The following POP4 variants were observed in gnomAD, a reference collection of about 807,000 sequenced individuals.
POP4 encodes the protein POP4 ribonuclease P/MRP subunit.
Under a neutral mutation model 29.9 loss-of-function variants are expected in POP4, and 31 were observed. That is an observed-to-expected ratio of 1.04 (90% confidence interval 0.78 to 1.40). The LOEUF (loss-of-function observed/expected upper bound fraction) is 1.40, where lower values mean the gene tolerates loss of function less well. Ranked by LOEUF, POP4 falls within the 40% of genes most tolerant of loss-of-function variation. The pLI is 0.00. For missense variants in POP4, 286 were observed against 282.7 expected, an observed-to-expected ratio of 1.01 and a Z score of -0.08; for synonymous variants, 110 against 108.2, an observed-to-expected ratio of 1.02 and a Z score of -0.10.
At position 29,613,873 on chromosome 19, in the gene POP4, A is replaced by G. The variant is rs1045558399; in HGVS notation, c.427A>G (p.Thr143Ala). 4 of 1,611,772 alleles carry G rather than the reference A, an allele frequency of 2.5e-6. No homozygotes were observed. In the Admixed American group the frequency reaches 5.0e-5, roughly 20 times the overall value. Residue 143 changes from threonine to alanine, a missense_variant and splice_region_variant, in exon 6 of 7, where the codon ACA becomes GCA. By Grantham distance (58) the Thr-to-Ala change is moderately conservative (BLOSUM62 0). Transcript: ENST00000585603. ...ADLHGAIISV[T>A]KSKCPSYVGI... The stretch of plus-strand genomic sequence containing the variant: ...GGAACTGTCCTTTTTCTTTGCAGTG[A>G]CAAAATCCAAATGCCCCTCTTATGT...
chr19:29,610,785 C>A, intron 3 of POP4, 153 bp downstream of exon 3: 1 of 746,376 alleles, frequency 1.3e-6, no homozygotes, highest in Non-Finnish European at 2.2e-6. Flanking sequence ...CTTTACCAAT[C>A]TGGGCTGTGT....
At chr19:29,610,709 G>A in intron 3 of POP4, 77 bp downstream of exon 3, 1 of 1,432,338 alleles carries the variant, frequency 7.0e-7, no homozygotes, top group Non-Finnish European at 9.5e-7. Flanking sequence ...AGTGGCTGGG[G>A]AGGCAGCCTG....
At chr19:29,608,877 C>G (rs1971034636) in intron 2 of POP4, 168 bp downstream of exon 2, 7 of 602,086 alleles carry the variant, frequency 1.2e-5, no homozygotes, top group Non-Finnish European at 2.0e-5. Context: ...ATTACCTGTT[C>G]CCACGTGCCA....
At position 29,615,381 on chromosome 19, in the gene POP4, ATTC is replaced by A. The variant is rs779795933; in HGVS notation, c.*4_*6del. 1 of 1,612,280 alleles carries A rather than the reference ATTC, an allele frequency of 6.2e-7. No homozygotes were observed. Among genetic ancestry groups the A allele is most frequent in the Non-Finnish European group, 8.5e-7 (1 of 1,179,422 alleles). On this transcript the variant is annotated 3_prime_UTR_variant, in exon 7 of 7. Coordinates refer to ENST00000585603, the MANE Select transcript of POP4 (RefSeq NM_006627.3). ...AGCGAAGGGAACGATTGACCTGTGAATTCTTTGCCGTCTAAGGCAGTTGTTTAT... is the reference window on the plus strand; with the variant it reads ...AGCGAAGGGAACGATTGACCTGTGAATTTGCCGTCTAAGGCAGTTGTTTAT...
Position 29,610,637 on chromosome 19 carries a change from C to T in POP4, c.284+5C>T. 1 of 1,612,422 alleles carries T rather than the reference C, an allele frequency of 6.2e-7. No individual in the cohort carries two copies. Among genetic ancestry groups the T allele is most frequent in the Non-Finnish European group, 8.5e-7 (1 of 1,179,482 alleles). ...CATTAAACCAGAGCAGCAGAGGTAACCCGAGCTCCCCACGTCTTTCTGCCC... is the reference window on the plus strand; with the variant it reads ...CATTAAACCAGAGCAGCAGAGGTAATCCGAGCTCCCCACGTCTTTCTGCCC... On this transcript the variant is annotated splice_donor_5th_base_variant and intron_variant, in intron 3 of 6. Coordinates refer to ENST00000585603, the MANE Select transcript of POP4 (RefSeq NM_006627.3).
At chr19:29,608,262 C>CTTTTTTTTTTTTTTTTTTTTTTTT (rs1164860504) in intron 1 of POP4, among the ~76,000 whole-genome samples, 1 of 86,558 alleles carries the variant, frequency 1.2e-5, no homozygotes, top group Non-Finnish European at 2.1e-5. Flanking sequence ...CTTTTCTTTT[C>CTTTTTTTTTTTTTTTTTTTTTTTT]TTTTTTTTTT....
chr19:29,608,262 C>CTTTTCTTTTTTTTTTTTTTTTTT (rs1491529433), intron 1 of POP4, among the ~76,000 whole-genome samples: 1 of 86,578 alleles, frequency 1.2e-5, no homozygotes, highest in Non-Finnish European at 2.1e-5. Flanking sequence ...CTTTTCTTTT[C>CTTTTCTTTTTTTTTTTTTTTTTT]TTTTTTTTTT....
intron 5 of POP4, among the ~76,000 whole-genome samples, chr19:29,613,618 C>CT (rs1971096927): frequency 1.3e-5 from 2 of 152,200 alleles, no homozygotes; most frequent in Non-Finnish European, 2.9e-5. Flanking sequence ...CTGCCCAAGA[C>CT]CCCTGTGGCC....
At position 29,608,708 on chromosome 19, in the gene POP4, A is replaced by G. The variant is rs907137050; in HGVS notation, c.59A>G (p.Gln20Arg). 18 of 1,613,756 alleles carry G rather than the reference A, an allele frequency of 1.1e-5. No homozygotes were observed. Among genetic ancestry groups the G allele is most frequent in the Admixed American group, 3.3e-5 (2 of 59,994 alleles). Residue 20 changes from glutamine to arginine, a missense_variant and splice_region_variant, in exon 2 of 7, where the codon CAG becomes CGG. Physicochemically the swap from Gln to Arg is conservative, Grantham distance 43. Transcript: ENST00000585603. Reference sequence around the variant, plus strand: ...AAAGAGGCGAATGACTCCGATGTCCAGGTCAGTTCTTGGCAGGGAGTCCAG... The same window carrying G: ...AAAGAGGCGAATGACTCCGATGTCCGGGTCAGTTCTTGGCAGGGAGTCCAG... ...SQKEANDSDV[Q>R]PSGAQRAEAF... is the part of the protein sequence containing the mutation.
At chr19:29,614,507 TTC>T (rs374997767) in intron 6 of POP4, among the ~76,000 whole-genome samples, 49,715 of 105,380 alleles carry the variant, frequency 0.47, 8,957 homozygotes, top group East Asian at 0.66. Context: ...CCTTTAATTT[TTC>T]TTTTTTTTTT....
At chr19:29,612,318 C>T (rs1971078752) in intron 5 of POP4, 140 bp downstream of exon 5, 1 of 817,308 alleles carries the variant, frequency 1.2e-6, no homozygotes, top group Non-Finnish European at 1.9e-6. Context: ...ACCATCATCC[C>T]CACGCTAAGG....
chr19:29,615,542 A>G lies in POP4; in HGVS notation c.*162A>G, dbSNP rs1047655192. ...ATGTTGAACAACATGGGAAGGTCGC[A>G]GCGTACTAAGTGAAGAAGTCAGAGG... On this transcript the variant is annotated 3_prime_UTR_variant, in exon 7 of 7. Transcript: ENST00000585603. 1.9e-5 allele frequency: 13 copies of G among 685,242 alleles called. No individual in the cohort carries two copies. The highest frequency in any genetic ancestry group is 1.6e-4 in the African/African-American group (9 of 55,718). The allele number at this position is 685,242 out of a possible 1,614,324, so 42.4% of individuals were successfully genotyped here.
At chr19:29,608,920 G>C in intron 2 of POP4, 1 of 527,360 alleles carries the variant, frequency 1.9e-6, no homozygotes, top group African/African-American at 1.9e-5. Flanking sequence ...AGTCAAGTTT[G>C]GTAAAATGAG....
chr19:29,612,271 T>A lies in POP4; in HGVS notation c.424+93T>A. ...AGGGCGTGTGTTCTGTTGGACACAC[T>A]CTTTACCGTGTGGATTCCCTGAGAT... is the stretch of plus-strand genomic sequence containing the variant. On this transcript the variant is annotated intron_variant, in intron 5 of 6. Coordinates refer to ENST00000585603, the MANE Select transcript of POP4 (RefSeq NM_006627.3). The A allele has an allele frequency of 6.7e-6, 8 of 1,202,770 alleles. No individual in the cohort carries two copies. The South Asian group carries it at 1.0e-4, about 16-fold the overall frequency. The allele number at this position is 1,202,770 out of a possible 1,614,324, so 74.5% of individuals were successfully genotyped here. A position where few individuals can be genotyped will look rare whatever the true frequency, so the allele number is the denominator to read the frequency against.
intron 2 of POP4, chr19:29,609,056 T>C (rs1272283052): frequency 3.4e-5 from 7 of 203,554 alleles, no homozygotes; most frequent in Non-Finnish European, 6.9e-5. Flanking sequence ...TGCAATCACA[T>C]ATCATAAGTG....
chr19:29,606,463 TA>T, intron 1 of POP4, 138 bp downstream of exon 1: 1 of 999,458 alleles, frequency 1.0e-6, no homozygotes, highest in Non-Finnish European at 1.4e-6. Context: ...CCACCCTACC[TA>T]AGAAAAACTG....
At chr19:29,610,278 A>C in intron 2 of POP4, 131 bp from the exon 3 acceptor site, 1 of 778,100 alleles carries the variant, frequency 1.3e-6, no homozygotes, top group Non-Finnish European at 2.0e-6. Context: ...GCAGGTTGAG[A>C]GCCTCAGTAG....
Position 29,612,180 on chromosome 19 carries a change from T to C in POP4, c.424+2T>C. On this transcript the variant is annotated splice_donor_variant, in intron 5 of 6. Coordinates refer to ENST00000585603, the MANE Select transcript of POP4 (RefSeq NM_006627.3). LOFTEE classifies it high-confidence loss of function. ...ATCTTCACGGGGCTATTATTTCAGG[T>C]AATTTACCTAAGAGCGTGTAGCACA... 3.1e-6 allele frequency: 5 copies of C among 1,606,208 alleles called. No individual in the cohort carries two copies. Among genetic ancestry groups the C allele is most frequent in the Non-Finnish European group, 4.2e-6 (5 of 1,177,432 alleles).
At chr19:29,608,781 C>T (rs779272216) in intron 2 of POP4, 72 bp downstream of exon 2, 1 of 1,394,952 alleles carries the variant, frequency 7.2e-7, no homozygotes. Flanking sequence ...TCTGAGCCCC[C>T]AGCACTGATT....
Sources: gnomAD v4.1 joint callset for allele counts (sites outside exome capture counted in the v4.1 genomes callset) on GRCh38, gnomAD v4.1.1 for gene constraint, MANE v1.5 for transcripts, NCBI Gene and HGNC (gene_info 2026-07-23, HGNC 2026-07-21) for gene names.